Variants in SRGAP1 observed in about 807,000 individuals in gnomAD.
SRGAP1 encodes SLIT-ROBO Rho GTPase-activating protein 1.
A neutral mutation model predicts 121.9 loss-of-function variants in SRGAP1; 43 were observed. That is an observed-to-expected ratio of 0.35 (90% CI 0.28 to 0.46). The LOEUF is 0.46. Ranked by LOEUF, SRGAP1 falls within the 20% of genes least tolerant of loss-of-function variation. The probability of loss-of-function intolerance (pLI) is 1.00; values close to 1 mark genes in which losing one functional copy is unlikely to be tolerated. For missense variants in SRGAP1, 1,102 were observed against 1,350.9 expected (o/e 0.82, Z 2.89); for synonymous variants, 447 against 485.4 (o/e 0.92, Z 1.04).
In SRGAP1 at chr12:63,994,180, T is replaced by G. The variant is rs964911069; in HGVS notation, c.426+4108T>G. Among the ~76,000 whole-genome samples, 8 of 152,214 alleles carry G rather than the reference T, an allele frequency of 5.3e-5. No homozygotes were observed. In the East Asian group the frequency reaches 1.5e-3, roughly 29 times the overall value. ...AACCACTTAGCCTAGTGTCTGGACT[T>G]AATAAGTCCTGGTAACTTTTATCTA... is the stretch of plus-strand genomic sequence containing the variant. On this transcript the variant is annotated intron_variant, in intron 3 of 21. Coordinates refer to ENST00000355086, the MANE Select transcript of SRGAP1 (RefSeq NM_020762.4).
At chr12:64,040,360 T>C (rs947943836) in intron 4 of SRGAP1, among the ~76,000 whole-genome samples, 1 of 152,214 alleles carries the variant, frequency 6.6e-6, no homozygotes, top group African/African-American at 2.4e-5. Flanking sequence ...TAAAATTGGC[T>C]CTGAGTAACG....
At chr12:63,980,750 C>T (rs188862826) in intron 1 of SRGAP1, among the ~76,000 whole-genome samples, 1 of 152,090 alleles carries the variant, frequency 6.6e-6, no homozygotes, top group East Asian at 1.9e-4. Context: ...CATGCCACCA[C>T]TCCCGGCTAA....
At chr12:63,950,959 C>T (rs1000465829) in intron 1 of SRGAP1, among the ~76,000 whole-genome samples, 1 of 149,238 alleles carries the variant, frequency 6.7e-6, no homozygotes, top group Admixed American at 6.7e-5. Context: ...CTACTTGTTG[C>T]CATGTCAGCA....
intron 1 of SRGAP1, among the ~76,000 whole-genome samples, chr12:63,885,806 A>G (rs1900361088): frequency 1.3e-5 from 2 of 152,206 alleles, no homozygotes; most frequent in African/African-American, 4.8e-5. Flanking sequence ...ACCAAGGGCT[A>G]TTGGAAGTTA....
chr12:64,095,929 G>A (rs561261077), intron 14 of SRGAP1, among the ~76,000 whole-genome samples: 129 of 152,176 alleles, frequency 8.5e-4, no homozygotes, highest in Middle Eastern at 3.4e-3. Flanking sequence ...GCACACTTTC[G>A]TGTCAGGCAG....
At chr12:63,903,538 G>T (rs1008151933) in intron 1 of SRGAP1, among the ~76,000 whole-genome samples, 10 of 148,826 alleles carry the variant, frequency 6.7e-5, no homozygotes, top group Non-Finnish European at 8.9e-5. Context: ...GAGCCACCGC[G>T]CCCAGCCTGT....
At chr12:64,050,986 A>G (rs1282128632) in intron 6 of SRGAP1, among the ~76,000 whole-genome samples, 1 of 152,180 alleles carries the variant, frequency 6.6e-6, no homozygotes, top group Admixed American at 6.6e-5. Context: ...GGCCTCCCAA[A>G]GTGCTGGGAT....
In SRGAP1 at chr12:63,937,429, T is replaced by C. The variant is rs1018023257; in HGVS notation, c.68-46518T>C. On this transcript the variant is annotated intron_variant, in intron 1 of 21. Coordinates refer to ENST00000355086, the MANE Select transcript of SRGAP1 (RefSeq NM_020762.4). ...GGGAAAACCAGAAACCCCAAGAACA[T>C]TTCTCTTTAGATGTGGATAATTTAG... is the stretch of plus-strand genomic sequence containing the variant. Among the ~76,000 whole-genome samples the C allele has an allele frequency of 1.3e-4, 20 of 152,196 alleles. 1 individual carries two copies. The highest frequency in any genetic ancestry group is 1.0e-4 in the Non-Finnish European group (7 of 68,030).
At chr12:63,933,987 GA>G (rs1211553133) in intron 1 of SRGAP1, among the ~76,000 whole-genome samples, 4 of 152,044 alleles carry the variant, frequency 2.6e-5, no homozygotes, top group African/African-American at 4.8e-5. Flanking sequence ...GGCACCCAAG[GA>G]AAAAAGCCAT....
chr12:63,846,337 G>C (rs1360115326), intron 1 of SRGAP1, among the ~76,000 whole-genome samples: 2 of 152,050 alleles, frequency 1.3e-5, no homozygotes, highest in East Asian at 3.9e-4. Flanking sequence ...TTTCATTCCA[G>C]GGCAGTACTC....
intron 2 of SRGAP1, among the ~76,000 whole-genome samples, chr12:63,984,580 TCATTG>T: frequency 6.6e-6 from 1 of 152,304 alleles, no homozygotes; most frequent in South Asian, 2.1e-4. Flanking sequence ...ATGTTTATGG[TCATTG>T]TAATTGACAC....
At chr12:63,921,705 A>G (rs1215136570) in intron 1 of SRGAP1, among the ~76,000 whole-genome samples, 2 of 152,240 alleles carry the variant, frequency 1.3e-5, no homozygotes, top group East Asian at 3.9e-4. Flanking sequence ...GCTTAAGCCC[A>G]GGAGTCTGAG....
At chr12:63,941,836 C>A (rs544211115) in intron 1 of SRGAP1, among the ~76,000 whole-genome samples, 2 of 152,222 alleles carry the variant, frequency 1.3e-5, no homozygotes, top group South Asian at 4.1e-4. Context: ...AATAGAATGA[C>A]CCCACCTGGC....
chr12:64,011,291 T>C (rs538602604), intron 3 of SRGAP1, among the ~76,000 whole-genome samples: 22 of 152,252 alleles, frequency 1.4e-4, no homozygotes, highest in African/African-American at 5.1e-4. Flanking sequence ...TGATGACCTA[T>C]AGAAAAAAAT....
At chr12:64,050,591 C>T (rs2035219305) in intron 6 of SRGAP1, among the ~76,000 whole-genome samples, 1 of 152,228 alleles carries the variant, frequency 6.6e-6, no homozygotes, top group Non-Finnish European at 1.5e-5. Context: ...ATACATACCA[C>T]ATTTCCATTT....
intron 1 of SRGAP1, chr12:63,982,944 A>G (rs2033292205): frequency 6.6e-6 from 1 of 152,228 alleles, no homozygotes; most frequent in Admixed American, 6.5e-5. Context: ...TAAAATTATC[A>G]GAGGATTCTT....
chr12:63,921,285 A>G (rs1365543235), intron 1 of SRGAP1, among the ~76,000 whole-genome samples: 1 of 152,204 alleles, frequency 6.6e-6, no homozygotes, highest in Non-Finnish European at 1.5e-5. Context: ...CATTTGTTCT[A>G]ATCTTTCAAT....
At chr12:63,869,194 C>A (rs557592717) in intron 1 of SRGAP1, among the ~76,000 whole-genome samples, 1 of 152,208 alleles carries the variant, frequency 6.6e-6, no homozygotes, top group Admixed American at 6.5e-5. Context: ...GCTGGGAAGT[C>A]CAAGATGGAA....
rs1285290495 is a variant in SRGAP1, at chr12:64,078,907, T to C, written c.1126-12T>C. 6.2e-7 allele frequency: 1 copy of C among 1,610,432 alleles called. No individual in the cohort carries two copies. Among genetic ancestry groups the C allele is most frequent in the South Asian group, 1.1e-5 (1 of 91,066 alleles). ...TAATGTACTAACGTGAGAAATGTAT[T>C]TCTATTCCCAGGTTAAGAAAACGAC... is the stretch of plus-strand genomic sequence containing the variant. On this transcript the variant is annotated splice_polypyrimidine_tract_variant and intron_variant, in intron 8 of 21. Coordinates refer to ENST00000355086, the MANE Select transcript of SRGAP1 (RefSeq NM_020762.4).
Sources: gnomAD v4.1 joint callset for allele counts (sites outside exome capture counted in the v4.1 genomes callset) on GRCh38, gnomAD v4.1.1 for gene constraint, MANE v1.5 for transcripts, NCBI Gene and HGNC (gene_info 2026-07-23, HGNC 2026-07-21) for gene names.